SHTN1: variants seen among roughly 807,000 people sequenced by gnomAD.
SHTN1 encodes shootin-1.
In SHTN1, 42 loss-of-function variants were observed where a neutral mutation model predicts 83.1. The ratio of observed to expected loss-of-function variants is 0.51; its 90% CI spans 0.39 to 0.65. The LOEUF (loss-of-function observed/expected upper bound fraction) is 0.65. Among genes scored for constraint, SHTN1 ranks in the 30% least tolerant of loss-of-function variants. The pLI is 0.00. For missense variants in SHTN1, 622 were observed against 737.8 expected (o/e 0.84, Z 1.82); for synonymous variants, 224 against 247.7 (o/e 0.90, Z 0.90).
chr10:117,078,219 C>A (rs1238385188), intron 1 of SHTN1, among the ~76,000 whole-genome samples: 1 of 152,168 alleles, frequency 6.6e-6, no homozygotes, highest in Admixed American at 6.5e-5. Flanking sequence ...GAAGGTGAAA[C>A]ATGGCTCTAC....
At chr10:116,999,845 G>T (rs562637053) in intron 1 of SHTN1, among the ~76,000 whole-genome samples, 1 of 152,094 alleles carries the variant, frequency 6.6e-6, no homozygotes, top group East Asian at 1.9e-4. Flanking sequence ...CCTGGGAGGC[G>T]GAGGTTGCAG....
At chr10:117,015,759 TC>T (rs1431948159) in intron 2 of SHTN1, among the ~76,000 whole-genome samples, 1 of 152,200 alleles carries the variant, frequency 6.6e-6, no homozygotes, top group Non-Finnish European at 1.5e-5. Flanking sequence ...GAAAAAATGT[TC>T]CTGTTTGGTT....
chr10:117,115,779 C>T (rs1904300), intron 1 of SHTN1, among the ~76,000 whole-genome samples: 147,775 of 152,334 alleles, frequency 0.97, 71,855 homozygotes, highest in East Asian at 1. Context: ...GCTCACTATA[C>T]TGAGCTTTTG....
At chr10:116,992,501 T>G (rs1851474159) in intron 1 of SHTN1, among the ~76,000 whole-genome samples, 1 of 152,210 alleles carries the variant, frequency 6.6e-6, no homozygotes, top group Non-Finnish European at 1.5e-5. Context: ...ATCAGTACTG[T>G]CCTGCACTTA....
intron 3 of SHTN1, among the ~76,000 whole-genome samples, chr10:116,966,319 T>G (rs561966142): frequency 7.2e-5 from 11 of 152,178 alleles, no homozygotes; most frequent in Admixed American, 1.3e-4. Flanking sequence ...AGTCCTTGTT[T>G]TCTCTCCTTT....
intron 9 of SHTN1, among the ~76,000 whole-genome samples, chr10:116,937,704 G>C (rs1849226628): frequency 6.6e-6 from 1 of 152,010 alleles, no homozygotes; most frequent in Non-Finnish European, 1.5e-5. Flanking sequence ...TTTGAATGTT[G>C]GCCTGTCTTG....
intron 2 of SHTN1, among the ~76,000 whole-genome samples, chr10:117,032,619 C>T (rs543997731): frequency 9.2e-5 from 14 of 152,300 alleles, no homozygotes; most frequent in Admixed American, 5.9e-4. Context: ...CAACACTCCA[C>T]TTTCAGCACT....
rs768462454 is a variant in SHTN1 at position 116,952,039 on chromosome 10, A to G, written c.437-33T>C. Reference sequence around the variant, plus strand: ...TTTAAAGAAAAAAAATATATAAATAAACTTATTTTTAAAATAAGAAATCAA... The same window carrying G: ...TTTAAAGAAAAAAAATATATAAATAGACTTATTTTTAAAATAAGAAATCAA... On this transcript the variant is annotated intron_variant, in intron 5 of 16. Transcript: ENST00000355371. 18 of 1,120,238 alleles carry G rather than the reference A, an allele frequency of 1.6e-5. No individual in the cohort carries two copies. In the African/African-American group the frequency reaches 2.4e-4, roughly 15 times the overall value. The allele number at this position is 1,120,238 out of a possible 1,614,324, so 69.4% of individuals were successfully genotyped here.
intron 1 of SHTN1, among the ~76,000 whole-genome samples, chr10:117,076,416 G>A (rs910946467): frequency 6.6e-6 from 1 of 152,088 alleles, no homozygotes; most frequent in African/African-American, 2.4e-5. Context: ...GGAGTTCATT[G>A]CAAAGACCTC....
chr10:116,991,863 C>T (rs1318258789), intron 1 of SHTN1, among the ~76,000 whole-genome samples: 2 of 152,106 alleles, frequency 1.3e-5, no homozygotes, highest in Non-Finnish European at 2.9e-5. Context: ...TACTGCAGGC[C>T]GGGCACTATG....
chr10:116,894,537 G>A (rs766790820), intron 16 of SHTN1, among the ~76,000 whole-genome samples: 1 of 152,172 alleles, frequency 6.6e-6, no homozygotes, highest in South Asian at 2.1e-4. Flanking sequence ...AGAATCTCTG[G>A]CAATTAATTG....
At chr10:117,011,722 A>C (rs1210842815) in intron 2 of SHTN1, among the ~76,000 whole-genome samples, 1 of 152,244 alleles carries the variant, frequency 6.6e-6, no homozygotes, top group Non-Finnish European at 1.5e-5. Flanking sequence ...CACTAAAAAT[A>C]CTGAAGCACT....
intron 1 of SHTN1, among the ~76,000 whole-genome samples, chr10:117,086,228 C>T (rs137937425): frequency 9.5e-4 from 145 of 152,282 alleles, no homozygotes; most frequent in African/African-American, 3.2e-3. Flanking sequence ...TGAGCCACCG[C>T]GCCCGGCCGT....
At chr10:116,971,631 C>T (rs1422081860) in intron 2 of SHTN1, among the ~76,000 whole-genome samples, 1 of 152,170 alleles carries the variant, frequency 6.6e-6, no homozygotes, top group East Asian at 1.9e-4. Context: ...GCATAAGGCA[C>T]AAAAAGAAAC....
At chr10:117,112,539 CACA>C (rs1421889300) in intron 1 of SHTN1, among the ~76,000 whole-genome samples, 1 of 152,156 alleles carries the variant, frequency 6.6e-6, no homozygotes, top group Non-Finnish European at 1.5e-5. Context: ...ATTAAGGATT[CACA>C]ACAATACCCT....
chr10:117,056,536 G>A (rs769851649), intron 1 of SHTN1, among the ~76,000 whole-genome samples: 2 of 152,110 alleles, frequency 1.3e-5, no homozygotes, highest in African/African-American at 2.4e-5. Flanking sequence ...TTGGCTGGGC[G>A]TGGTGGCTCA....
chr10:116,919,931 C>A (rs1449824234), intron 12 of SHTN1, among the ~76,000 whole-genome samples: 2 of 152,036 alleles, frequency 1.3e-5, no homozygotes, highest in Non-Finnish European at 2.9e-5. Context: ...GAGAAAAAAA[C>A]TAAGTCCAAA....
intron 1 of SHTN1, among the ~76,000 whole-genome samples, chr10:117,053,120 C>T (rs969309511): frequency 2.8e-4 from 42 of 151,022 alleles, no homozygotes; most frequent in African/African-American, 9.2e-4. Flanking sequence ...AATATAAGAG[C>T]CTAAACTATA....
chr10:116,916,019 T>C (rs1848370248), intron 12 of SHTN1, among the ~76,000 whole-genome samples: 1 of 152,218 alleles, frequency 6.6e-6, no homozygotes, highest in Non-Finnish European at 1.5e-5. Flanking sequence ...CCATCTTTTG[T>C]TTATGAATCG....
Sources: gnomAD v4.1 joint callset for allele counts (sites outside exome capture counted in the v4.1 genomes callset) on GRCh38, gnomAD v4.1.1 for gene constraint, MANE v1.5 for transcripts, NCBI Gene and HGNC (gene_info 2026-07-23, HGNC 2026-07-21) for gene names.